Variants in TAF2 observed in about 807,000 individuals in gnomAD.
The protein encoded by TAF2 is TATA-box binding protein associated factor 2, also known as transcription initiation factor TFIID subunit 2.
Under a neutral mutation model 138.5 loss-of-function variants are expected in TAF2, and 61 were observed. The observed-to-expected ratio is 0.44, with a 90% confidence interval of 0.36 to 0.54. TAF2 has a LOEUF of 0.54. TAF2 is among the 20% of genes least tolerant of loss of function. The pLI, the probability that TAF2 is intolerant of heterozygous loss-of-function variation, is 0.00. For missense variants in TAF2, 1,090 were observed against 1,427.9 expected, an observed-to-expected ratio of 0.76 and a Z score of 3.81; for synonymous variants, 475 against 469.9, an observed-to-expected ratio of 1.01 and a Z score of -0.14.
rs1819989390 is a variant in TAF2, at chr8:119,746,558, C to T, written c.3108+147G>A. On this transcript the variant is annotated intron_variant, in intron 23 of 25. Transcript: ENST00000378164. ...GTAGCATTTTATAATTGGCACAGTACTAATCAAATGTCAGCCAGCATTTTT... is the reference window on the plus strand; with the variant it reads ...GTAGCATTTTATAATTGGCACAGTATTAATCAAATGTCAGCCAGCATTTTT... The T allele has an allele frequency of 5.8e-5, 47 of 815,698 alleles. No individual in the cohort carries two copies. The South Asian group carries it at 7.0e-4, about 12-fold the overall frequency. 50.5% of individuals were successfully genotyped at this position (815,698 alleles called of 1,614,324 possible).
At position 119,803,738 on chromosome 8, in the gene TAF2, CA is replaced by C. The variant is rs578027220; in HGVS notation, c.560+139del. 62 of 834,288 alleles carry C rather than the reference CA, an allele frequency of 7.4e-5. No individual in the cohort carries two copies. The South Asian group carries it at 1.4e-3, about 18-fold the overall frequency. 51.7% of individuals were successfully genotyped at this position (834,288 alleles called of 1,614,324 possible). A position where few individuals can be genotyped will look rare whatever the true frequency, so the allele number is the denominator to read the frequency against. ...ATTTTTTTTTAAGAGGAATGACTAACAGAAAGTAATTTGAAAGAAGTCTAAA... is the reference window on the plus strand; with the variant it reads ...ATTTTTTTTTAAGAGGAATGACTAACGAAAGTAATTTGAAAGAAGTCTAAA... On this transcript the variant is annotated intron_variant, in intron 5 of 25. Transcript: ENST00000378164.
chr8:119,823,328 C>A (rs183284301), intron 2 of TAF2, among the ~76,000 whole-genome samples: 9 of 152,310 alleles, frequency 5.9e-5, no homozygotes, highest in Middle Eastern at 3.4e-3. Context: ...GCTGTGTCCC[C>A]ACCCTAATCT....
Position 119,746,846 on chromosome 8 carries a change from C to T in TAF2, c.2967G>A (p.Leu989=). The T allele has an allele frequency of 1.2e-6, 2 of 1,614,020 alleles. No homozygotes were observed. The highest frequency in any genetic ancestry group is 3.3e-5 in the Admixed American group (2 of 60,006). The change falls in exon 23 of 26, where the codon TTG becomes TTA. Residue 989 remains leucine, a synonymous_variant. Transcript: ENST00000378164. The stretch of plus-strand genomic sequence containing the variant: ...GATTAAGAACCAACCCAAGCTCTGG[C>T]AAGGGTAAACAGGAAGGTCTACTGA... ...FGLSRPSCLP[L]PELGLVLNLK...
chr8:119,802,849 T>A (rs1316168638), intron 5 of TAF2, among the ~76,000 whole-genome samples: 1 of 151,812 alleles, frequency 6.6e-6, no homozygotes, highest in Non-Finnish European at 1.5e-5. Flanking sequence ...AAGGTGGAGG[T>A]TGCATGAGCC....
At chr8:119,742,695 C>G (rs1043902182) in intron 24 of TAF2, 39 bp from the exon 25 acceptor site, 4 of 1,607,834 alleles carry the variant, frequency 2.5e-6, no homozygotes, top group East Asian at 4.5e-5. Context: ...GGATTTATTT[C>G]TTTGTTTCCC....
chr8:119,732,601 C>T (rs1055715163), intron 25 of TAF2, among the ~76,000 whole-genome samples: 2 of 152,028 alleles, frequency 1.3e-5, no homozygotes, highest in South Asian at 2.1e-4. Context: ...GTCAGGAGTT[C>T]GAAACCAGCC....
At chr8:119,753,147 T>C (rs1245014913) in intron 22 of TAF2, among the ~76,000 whole-genome samples, 1 of 152,164 alleles carries the variant, frequency 6.6e-6, no homozygotes, top group Non-Finnish European at 1.5e-5. Flanking sequence ...CAACTATAAC[T>C]ATATAACACA....
intron 25 of TAF2, among the ~76,000 whole-genome samples, chr8:119,739,335 T>A (rs1442404794): frequency 6.6e-6 from 1 of 152,110 alleles, no homozygotes; most frequent in African/African-American, 2.4e-5. Flanking sequence ...TAAAGGCCAT[T>A]TCTTTATATC....
chr8:119,785,413 A>C, intron 14 of TAF2, 147 bp from the exon 15 acceptor site: 1 of 623,926 alleles, frequency 1.6e-6, no homozygotes, highest in South Asian at 1.9e-5. Flanking sequence ...ATAAAATTTA[A>C]ATAGAACAAA....
chr8:119,794,171 G>C (rs1823650022), intron 9 of TAF2, among the ~76,000 whole-genome samples: 1 of 152,130 alleles, frequency 6.6e-6, no homozygotes, highest in African/African-American at 2.4e-5. Context: ...GCTGAGGCAA[G>C]TGGATCACGA....
At chr8:119,763,810 C>T (rs1821233754) in intron 18 of TAF2, among the ~76,000 whole-genome samples, 2 of 151,672 alleles carry the variant, frequency 1.3e-5, no homozygotes, top group South Asian at 4.2e-4. Flanking sequence ...GCCACGATTG[C>T]ACCACCGTAC....
intron 21 of TAF2, among the ~76,000 whole-genome samples, chr8:119,756,613 T>G (rs1166769537): frequency 6.6e-6 from 1 of 152,198 alleles, no homozygotes; most frequent in African/African-American, 2.4e-5. Flanking sequence ...TTACTGTATT[T>G]GTAAAACATG....
intron 3 of TAF2, among the ~76,000 whole-genome samples, chr8:119,813,985 G>A (rs908182142): frequency 1.3e-5 from 2 of 151,968 alleles, no homozygotes; most frequent in African/African-American, 4.8e-5. Context: ...TTAACCGAAC[G>A]TGGTGGCATG....
chr8:119,824,428 C>CA (rs71304910), intron 2 of TAF2, among the ~76,000 whole-genome samples: 126 of 125,568 alleles, frequency 1.0e-3, no homozygotes, highest in East Asian at 2.5e-3. Flanking sequence ...GACTCCGTCT[C>CA]AAAAAAAAAA....
At chr8:119,732,905 G>A (rs73713102) in intron 25 of TAF2, among the ~76,000 whole-genome samples, 17,767 of 152,096 alleles carry the variant, frequency 0.12, 1,733 homozygotes, top group African/African-American at 0.27. Context: ...GGGAGGGGAA[G>A]ATGACAGTAC....
chr8:119,746,974 T>C (rs1820019726), intron 22 of TAF2, 40 bp from the exon 23 acceptor site: 1 of 1,592,818 alleles, frequency 6.3e-7, no homozygotes, highest in Non-Finnish European at 8.6e-7. Flanking sequence ...AATATGCACA[T>C]TGATTCATAC....
rs1171135965 is a variant in TAF2, at chr8:119,731,582, C to T, written c.*342G>A. On this transcript the variant is annotated 3_prime_UTR_variant, in exon 26 of 26. Transcript: ENST00000378164. ...CCCCATAACATCCACCAAAGGCTTT[C>T]AAACATAATTGACTTTGGCGGTACA... 7 of 303,020 alleles carry T rather than the reference C, an allele frequency of 2.3e-5. No individual in the cohort carries two copies. The Admixed American group carries it at 3.2e-4, about 14-fold the overall frequency. 18.8% of individuals were successfully genotyped at this position (303,020 alleles called of 1,614,324 possible). A position where few individuals can be genotyped will look rare whatever the true frequency, so the allele number is the denominator to read the frequency against.
At chr8:119,775,026 A>C (rs1724126934) in intron 18 of TAF2, among the ~76,000 whole-genome samples, 1 of 152,096 alleles carries the variant, frequency 6.6e-6, no homozygotes, top group African/African-American at 2.4e-5. Flanking sequence ...CACACCTGTA[A>C]TATCAGCACT....
At chr8:119,757,853 G>A (rs1267142250) in intron 21 of TAF2, among the ~76,000 whole-genome samples, 3 of 151,830 alleles carry the variant, frequency 2.0e-5, no homozygotes, top group Admixed American at 1.3e-4. Flanking sequence ...CCGAGATCGT[G>A]CCACTGCACT....
Sources: gnomAD v4.1 joint callset for allele counts (sites outside exome capture counted in the v4.1 genomes callset) on GRCh38, gnomAD v4.1.1 for gene constraint, MANE v1.5 for transcripts, NCBI Gene and HGNC (gene_info 2026-07-23, HGNC 2026-07-21) for gene names.